GADL1: variants seen among roughly 807,000 people sequenced by gnomAD.
The protein encoded by GADL1 is GAD like acidic amino acid decarboxylase 1, also known as acidic amino acid decarboxylase GADL1.
A neutral mutation model predicts 69.5 loss-of-function variants in GADL1; 71 were observed. The ratio of observed to expected loss-of-function variants is 1.02; its 90% CI spans 0.84 to 1.25. The LOEUF (loss-of-function observed/expected upper bound fraction) is 1.25, where lower values mean the gene tolerates loss of function less well. GADL1 is among the 50% of genes most tolerant of loss of function. The pLI, the probability that GADL1 is intolerant of heterozygous loss-of-function variation, is 0.00. For missense variants in GADL1, 737 were observed against 631.8 expected (o/e 1.17, Z -1.79); for synonymous variants, 254 against 214.4 (o/e 1.18, Z -1.62).
At chr3:30,889,638 CTTTGAG>C (rs1698760347) in intron 1 of GADL1, among the ~76,000 whole-genome samples, 1 of 151,668 alleles carries the variant, frequency 6.6e-6, no homozygotes, top group Non-Finnish European at 1.5e-5. Flanking sequence ...TTTTTTCCTA[CTTTGAG>C]TTTCTTTTTA....
intron 11 of GADL1, among the ~76,000 whole-genome samples, chr3:30,820,040 C>A (rs991953784): frequency 3.3e-5 from 5 of 151,762 alleles, no homozygotes; most frequent in African/African-American, 9.7e-5. Flanking sequence ...AAACTGCACT[C>A]AAAATACTAT....
intron 11 of GADL1, among the ~76,000 whole-genome samples, chr3:30,821,106 T>C (rs182426349): frequency 3.8e-4 from 58 of 152,058 alleles, no homozygotes; most frequent in Admixed American, 8.5e-4. Flanking sequence ...TTCCCACTCA[T>C]AGGTGGGAAT....
chr3:30,762,861 T>C (rs1162553575), intron 14 of GADL1, among the ~76,000 whole-genome samples: 3 of 152,194 alleles, frequency 2.0e-5, no homozygotes, highest in Non-Finnish European at 4.4e-5. Context: ...TTTCCTTGCT[T>C]TATTTCACTT....
chr3:30,866,847 T>C, intron 1 of GADL1, among the ~76,000 whole-genome samples: 1 of 152,142 alleles, frequency 6.6e-6, no homozygotes, highest in East Asian at 1.9e-4. Flanking sequence ...CTCATTTTAC[T>C]GACCATTCCA....
At chr3:30,760,020 T>C (rs1350522387) in intron 14 of GADL1, among the ~76,000 whole-genome samples, 1 of 152,212 alleles carries the variant, frequency 6.6e-6, no homozygotes, top group East Asian at 1.9e-4. Flanking sequence ...TATCTCCTTT[T>C]TACCTGCAGA....
intron 14 of GADL1, among the ~76,000 whole-genome samples, chr3:30,777,656 T>C (rs532141859): frequency 1.3e-5 from 2 of 152,036 alleles, no homozygotes; most frequent in African/African-American, 4.8e-5. Context: ...CCAACAGCTG[T>C]GTGTGAAGAC....
At chr3:30,794,397 G>T (rs1315935052) in intron 12 of GADL1, among the ~76,000 whole-genome samples, 1 of 152,088 alleles carries the variant, frequency 6.6e-6, no homozygotes, top group Non-Finnish European at 1.5e-5. Context: ...AGGCCTAGAA[G>T]GTGCCCTCAG....
At chr3:30,781,206 G>C (rs1418214694) in intron 13 of GADL1, among the ~76,000 whole-genome samples, 1 of 152,094 alleles carries the variant, frequency 6.6e-6, no homozygotes. Context: ...AAGGAGTAAT[G>C]TGCCATTAAA....
chr3:30,882,172 T>C (rs1228799332), intron 1 of GADL1, among the ~76,000 whole-genome samples: 1 of 151,960 alleles, frequency 6.6e-6, no homozygotes, highest in Non-Finnish European at 1.5e-5. Context: ...AAAACATGAA[T>C]AATAAAATTT....
Position 30,889,084 on chromosome 3 carries a change from T to TAAAAAAAAAAA in GADL1, c.37+5483_37+5493dup, listed in dbSNP as rs60227313. Among the ~76,000 whole-genome samples, 65 of 32,908 alleles carry TAAAAAAAAAAA rather than the reference T, an allele frequency of 2.0e-3. 7 individuals carry two copies. Among genetic ancestry groups the TAAAAAAAAAAA allele is most frequent in the Non-Finnish European group, 2.4e-3 (36 of 14,832 alleles). 21.6% of individuals were successfully genotyped at this position (32,908 alleles called of 152,430 possible). ...GAAATACCGAAGACTCGGTAATCTA[T>TAAAAAAAAAAA]AAAAAAAAAAAAAAAAAAAAAAAAA... On this transcript the variant is annotated intron_variant, in intron 1 of 14. Coordinates refer to ENST00000282538, the MANE Select transcript of GADL1 (RefSeq NM_207359.3).
chr3:30,762,001 G>T (rs1054022180), intron 14 of GADL1, among the ~76,000 whole-genome samples: 2 of 152,206 alleles, frequency 1.3e-5, no homozygotes, highest in African/African-American at 4.8e-5. Context: ...CAAAAGAGCC[G>T]AGACAGTGAG....
Position 30,861,632 on chromosome 3 carries a change from C to T in GADL1, c.171G>A (p.Met57Ile), listed in dbSNP as rs536513873. 1 of 1,549,750 alleles carries T rather than the reference C, an allele frequency of 6.5e-7. No individual in the cohort carries two copies. Among genetic ancestry groups the T allele is most frequent in the Non-Finnish European group, 8.7e-7 (1 of 1,145,906 alleles). The change falls in exon 2 of 15, where the codon ATG becomes ATA. Residue 57 changes from methionine (M) to isoleucine (I), a missense_variant. Transcript: ENST00000282538. The part of the protein sequence containing the change: ...KFVEEACRLI[M>I]EEVVLKATDV... ...CTGTAGCTTTCAAAACCACCTCTTC[C>T]ATTATTAGCCTACAGGCCTCTTCAA...
At chr3:30,881,729 G>A (rs536114459) in intron 1 of GADL1, among the ~76,000 whole-genome samples, 2 of 151,926 alleles carry the variant, frequency 1.3e-5, no homozygotes, top group Non-Finnish European at 2.9e-5. Context: ...TTAAGGGACT[G>A]CTATGGTTTG....
chr3:30,771,797 C>T (rs1275898269), intron 14 of GADL1, among the ~76,000 whole-genome samples: 3 of 152,264 alleles, frequency 2.0e-5, no homozygotes, highest in East Asian at 3.9e-4. Flanking sequence ...ACACAGCTTT[C>T]AATTAATTTG....
intron 14 of GADL1, among the ~76,000 whole-genome samples, chr3:30,752,327 CTT>C (rs1695842550): frequency 6.6e-6 from 1 of 150,786 alleles, no homozygotes; most frequent in African/African-American, 2.4e-5. Context: ...GCCTATCTCT[CTT>C]GCTGACAGTT....
intron 14 of GADL1, among the ~76,000 whole-genome samples, chr3:30,753,303 G>A (rs1037570110): frequency 6.9e-6 from 1 of 145,974 alleles, no homozygotes; most frequent in African/African-American, 2.8e-5. Context: ...TTATTCCTTT[G>A]ATTCAGAAAT....
At chr3:30,749,695 G>T (rs899804838) in intron 14 of GADL1, among the ~76,000 whole-genome samples, 2 of 152,202 alleles carry the variant, frequency 1.3e-5, no homozygotes, top group Admixed American at 1.3e-4. Flanking sequence ...TTTTCAATCT[G>T]CTAGGCAACA....
chr3:30,821,259 G>A (rs916686705), intron 11 of GADL1, among the ~76,000 whole-genome samples: 1 of 151,882 alleles, frequency 6.6e-6, no homozygotes, highest in African/African-American at 2.4e-5. Flanking sequence ...CAGCACACCA[G>A]CATGGCACAT....
intron 13 of GADL1, among the ~76,000 whole-genome samples, chr3:30,780,488 C>T (rs1317638483): frequency 6.6e-6 from 1 of 152,186 alleles, no homozygotes; most frequent in African/African-American, 2.4e-5. Flanking sequence ...GGCAATCCTC[C>T]ATTACTCCAA....
Sources: allele counts gnomAD v4.1 joint callset (sites outside exome capture counted in the v4.1 genomes callset), GRCh38; gene constraint gnomAD v4.1.1; transcripts MANE v1.5; gene names NCBI Gene and HGNC (gene_info 2026-07-23, HGNC 2026-07-21).